UNKL: variants seen among roughly 807,000 people sequenced by gnomAD.
UNKL encodes the protein putative E3 ubiquitin-protein ligase UNKL.
In UNKL, 60 loss-of-function variants were observed where a neutral mutation model predicts 78.0. The ratio of observed to expected loss-of-function variants is 0.77; its 90% CI spans 0.63 to 0.95. UNKL has a LOEUF of 0.95. UNKL is among the 40% of genes least tolerant of loss of function. The pLI is 0.00. For missense variants in UNKL, 1,159 were observed against 1,045.7 expected, an observed-to-expected ratio of 1.11 and a Z score of -1.49; for synonymous variants, 608 against 474.8, an observed-to-expected ratio of 1.28 and a Z score of -3.65.
intron 6 of UNKL, among the ~76,000 whole-genome samples, chr16:1,396,185 G>A (rs1567227725): frequency 2.0e-5 from 3 of 151,746 alleles, no homozygotes. Context: ...CAAGTGATGT[G>A]CCCACCTCAG....
intron 10 of UNKL, among the ~76,000 whole-genome samples, chr16:1,374,597 G>A (rs2036074057): frequency 6.6e-6 from 1 of 152,108 alleles, no homozygotes; most frequent in Admixed American, 6.5e-5. Flanking sequence ...CCCAGCAGAA[G>A]CAAAGAGGCG....
At position 1,398,919 on chromosome 16, in the gene UNKL, G is replaced by T. The variant is rs145705621; in HGVS notation, c.734+455C>A. 7.5e-4 allele frequency: 1,167 copies of T among 1,559,642 alleles called. 4 individuals are homozygous for T. In the African/African-American group the frequency reaches 0.014, roughly 19 times the overall value. ...TTGTTGGCCCTGGGACTCAGCCTAA[G>T]GACCCGGCGTCCCAGCTGCCAGCTG... On this transcript the variant is annotated intron_variant, in intron 5 of 14. Coordinates refer to ENST00000389221, the MANE Select transcript of UNKL (RefSeq NM_001372107.1).
intron 6 of UNKL, chr16:1,394,552 T>C (rs2037180269): frequency 6.0e-6 from 3 of 502,558 alleles, no homozygotes; most frequent in East Asian, 5.4e-5. Flanking sequence ...TAAGTGCCTA[T>C]TAAAAGGAAC....
intron 7 of UNKL, among the ~76,000 whole-genome samples, chr16:1,393,809 G>A (rs887440923): frequency 1.3e-5 from 2 of 152,222 alleles, no homozygotes; most frequent in African/African-American, 4.8e-5. Flanking sequence ...GGATGCCCAG[G>A]AGGCAGGTGG....
intron 6 of UNKL, among the ~76,000 whole-genome samples, chr16:1,396,527 C>T (rs1263565170): frequency 1.3e-5 from 2 of 151,914 alleles, no homozygotes; most frequent in Non-Finnish European, 2.9e-5. Context: ...TTGCCCGCCT[C>T]TGCCTCCCAA....
chr16:1,367,585 C>G, intron 13 of UNKL, 71 bp downstream of exon 13: 1 of 975,702 alleles, frequency 1.0e-6, no homozygotes, highest in Non-Finnish European at 1.4e-6. Context: ...CCCATCTCAC[C>G]CCCACACGCT....
intron 8 of UNKL, among the ~76,000 whole-genome samples, chr16:1,391,160 T>TACAC (rs59407356): frequency 0.01 from 1,475 of 144,704 alleles, 14 homozygotes; most frequent in African/African-American, 0.028. Flanking sequence ...CAAAAAAAAA[T>TACAC]ACACACACAC....
chr16:1,386,437 C>T (rs1209011837), intron 9 of UNKL, among the ~76,000 whole-genome samples: 2 of 151,918 alleles, frequency 1.3e-5, no homozygotes, highest in East Asian at 3.9e-4. Flanking sequence ...GCCTGTAATC[C>T]CAGCTACTTG....
At chr16:1,392,467 T>C (rs978393302) in intron 8 of UNKL, among the ~76,000 whole-genome samples, 1 of 151,686 alleles carries the variant, frequency 6.6e-6, no homozygotes, top group African/African-American at 2.4e-5. Context: ...TGGGGTCTTA[T>C]TCTGTCACCC....
chr16:1,376,513 T>C (rs914137992), intron 10 of UNKL, among the ~76,000 whole-genome samples: 3 of 152,138 alleles, frequency 2.0e-5, no homozygotes, highest in Non-Finnish European at 4.4e-5. Flanking sequence ...TCCTCCTTCA[T>C]GGCTGGCAGC....
rs749968070 is a variant in UNKL at position 1,365,894 on chromosome 16, C to G, written c.*346G>C. 1 of 206,426 alleles carries G rather than the reference C, an allele frequency of 4.8e-6. No individual in the cohort carries two copies. Among genetic ancestry groups the G allele is most frequent in the Middle Eastern group, 1.7e-3 (1 of 588 alleles). The allele number at this position is 206,426 out of a possible 1,614,324, so 12.8% of individuals were successfully genotyped here. On this transcript the variant is annotated 3_prime_UTR_variant, in exon 15 of 15. Transcript: ENST00000389221. ...ACCCCAGCTCCCAGTGGCCTAGTCACAGTAGTGTCAGGACCACAAACTGCT... is the reference window on the plus strand; with the variant it reads ...ACCCCAGCTCCCAGTGGCCTAGTCAGAGTAGTGTCAGGACCACAAACTGCT...
intron 10 of UNKL, chr16:1,383,943 A>G: frequency 3.2e-6 from 1 of 314,116 alleles, no homozygotes; most frequent in African/African-American, 2.1e-5. Flanking sequence ...CTGCAGCAGC[A>G]GAGGCCAGAC....
chr16:1,372,130 G>A (rs1048603930), intron 10 of UNKL, among the ~76,000 whole-genome samples: 1 of 152,046 alleles, frequency 6.6e-6, no homozygotes, highest in African/African-American at 2.4e-5. Flanking sequence ...CAGGCGTGGT[G>A]GCGGGTGCCT....
chr16:1,372,546 T>A (rs564856929), intron 10 of UNKL, among the ~76,000 whole-genome samples: 1 of 151,650 alleles, frequency 6.6e-6, no homozygotes, highest in Non-Finnish European at 1.5e-5. Context: ...CCACTGCCCC[T>A]TCCTAGAATT....
chr16:1,403,880 C>T lies in UNKL; in HGVS notation c.288-536G>A, dbSNP rs1411617387. Reference sequence around the variant, plus strand: ...ACACGAGGGGGATGGGCAGAAGAGGCGGCAGATGGCGTGGTGGGGAACACA... The same window carrying T: ...ACACGAGGGGGATGGGCAGAAGAGGTGGCAGATGGCGTGGTGGGGAACACA... On this transcript the variant is annotated intron_variant, in intron 2 of 14. Transcript: ENST00000389221. This position sits in a 1 kb window ranked among gnomAD's most constrained non-coding sequence, Gnocchi z 4.8. Among the ~76,000 whole-genome samples, 1 of 152,090 alleles carries T rather than the reference C, an allele frequency of 6.6e-6. No individual in the cohort carries two copies. The highest frequency in any genetic ancestry group is 1.5e-5 in the Non-Finnish European group (1 of 68,022).
At chr16:1,367,601 G>T (rs1269611189) in intron 13 of UNKL, 55 bp downstream of exon 13, 2 of 939,520 alleles carry the variant, frequency 2.1e-6, no homozygotes, top group East Asian at 1.3e-4. Context: ...ACGCTCACCT[G>T]AGTCCCCTGC....
At position 1,366,387 on chromosome 16, in the gene UNKL, G is replaced by C; in HGVS notation, c.2055C>G (p.Phe685Leu). ...CCACACACTGCTTGGCGCGGAGCTG[G>C]AAGATCACCTGCAGGGCCAGAACAA... ...LDLEAVDGVI[F>L]QLRAKQCVAC... Residue 685 changes from phenylalanine (F) to leucine (L), a missense_variant, in exon 15 of 15, where the codon TTC becomes TTG. Transcript: ENST00000389221. 3 of 1,592,254 alleles carry C rather than the reference G, an allele frequency of 1.9e-6. No individual in the cohort carries two copies. In the Middle Eastern group the frequency reaches 5.8e-4, roughly 310 times the overall value.
chr16:1,397,744 G>A (rs1462802665), intron 5 of UNKL, among the ~76,000 whole-genome samples: 1 of 81,734 alleles, frequency 1.2e-5, no homozygotes, highest in Non-Finnish European at 2.5e-5. Context: ...GGGATGAGGA[G>A]GTGTCAGGGG....
rs754079993 is a variant in UNKL, at chr16:1,385,224, A to G, written c.1248T>C (p.Thr416=). Residue 416 remains threonine (T), a synonymous_variant, in exon 10 of 15, where the codon ACT becomes ACC. Coordinates refer to ENST00000389221, the MANE Select transcript of UNKL (RefSeq NM_001372107.1). ...RALPLGPASS[T]VEAVLGSALD... The stretch of plus-strand genomic sequence containing the variant: ...TGGACTTACCGAGGACGGCCTCCAC[A>G]GTGCTGCTGGCGGGGCCGAGCGGGA... The G allele has an allele frequency of 9.3e-6, 12 of 1,288,166 alleles. No homozygotes were observed. Among genetic ancestry groups the G allele is most frequent in the African/African-American group, 1.6e-5 (1 of 64,334 alleles). 79.8% of individuals were successfully genotyped at this position (1,288,166 alleles called of 1,614,324 possible).
Sources: gnomAD v4.1 joint callset for allele counts (sites outside exome capture counted in the v4.1 genomes callset) on GRCh38, gnomAD v4.1.1 for gene constraint, Gnocchi (gnomAD v3.1) non-coding constraint, MANE v1.5 for transcripts, NCBI Gene and HGNC (gene_info 2026-07-23, HGNC 2026-07-21) for gene names.